Variants in FAM107B observed in about 807,000 individuals in gnomAD.
FAM107B encodes protein FAM107B.
In FAM107B, 21 loss-of-function variants were observed where a neutral mutation model predicts 31.5. That is an observed-to-expected ratio of 0.67 (90% confidence interval 0.47 to 0.96). The LOEUF is 0.96. Ranked by LOEUF, FAM107B falls within the 40% of genes least tolerant of loss-of-function variation. The pLI, the probability that FAM107B is intolerant of heterozygous loss-of-function variation, is 0.00. For missense variants in FAM107B, 452 were observed against 377.1 expected (o/e 1.20, Z -1.64); for synonymous variants, 157 against 141.5 (o/e 1.11, Z -0.78).
At chr10:14,699,034 T>A (rs966776645) in intron 1 of FAM107B, among the ~76,000 whole-genome samples, 1 of 150,514 alleles carries the variant, frequency 6.6e-6, no homozygotes, top group African/African-American at 2.4e-5. Flanking sequence ...GGAGAGTGGG[T>A]ACCCTGCGAG....
chr10:14,561,571 C>A (rs1850246083), intron 2 of FAM107B, among the ~76,000 whole-genome samples: 1 of 152,160 alleles, frequency 6.6e-6, no homozygotes, highest in African/African-American at 2.4e-5. Context: ...TATGGTAAGG[C>A]TTCCTACCCT....
intron 2 of FAM107B, among the ~76,000 whole-genome samples, chr10:14,648,280 A>C (rs1853810955): frequency 6.6e-6 from 1 of 152,174 alleles, no homozygotes; most frequent in South Asian, 2.1e-4. Context: ...GGTCGAACTG[A>C]CCAGCCCTAA....
intron 2 of FAM107B, among the ~76,000 whole-genome samples, chr10:14,554,700 T>C: frequency 6.6e-6 from 1 of 152,222 alleles, no homozygotes; most frequent in East Asian, 1.9e-4. Flanking sequence ...AAGCAGCTAA[T>C]AAGTTTCAAC....
chr10:14,767,385 C>T (rs1369326502), intron 1 of FAM107B, among the ~76,000 whole-genome samples: 1 of 151,832 alleles, frequency 6.6e-6, no homozygotes, highest in East Asian at 1.9e-4. Context: ...AGCCACCGCA[C>T]CCGGCCCCTG....
intron 1 of FAM107B, among the ~76,000 whole-genome samples, chr10:14,713,607 A>C (rs897044680): frequency 6.6e-6 from 1 of 152,238 alleles, no homozygotes; most frequent in Non-Finnish European, 1.5e-5. Flanking sequence ...GAAGGAAAAC[A>C]TCAGGGTTCA....
intron 1 of FAM107B, among the ~76,000 whole-genome samples, chr10:14,704,771 C>T (rs573464665): frequency 6.6e-6 from 1 of 152,236 alleles, no homozygotes; most frequent in East Asian, 1.9e-4. Context: ...TGCCTGTAAT[C>T]CCAGCATTTT....
rs762506002 is a variant in FAM107B at position 14,552,816 on chromosome 10, T to TC, written c.470-22302dup. ...ACTGTACTGGGTGACAGAGTAAGACTCCATTAAAAAAAAAAGTCATTATTT... is the reference window on the plus strand; with the variant it reads ...ACTGTACTGGGTGACAGAGTAAGACTCCCATTAAAAAAAAAAGTCATTATTT... On this transcript the variant is annotated intron_variant, in intron 2 of 4. Transcript: ENST00000181796. Among the ~76,000 whole-genome samples the TC allele has an allele frequency of 5.3e-5, 8 of 151,282 alleles. No individual in the cohort carries two copies. In the East Asian group the frequency reaches 1.4e-3, roughly 26 times the overall value.
intron 2 of FAM107B, among the ~76,000 whole-genome samples, chr10:14,591,241 C>G (rs1265508343): frequency 6.6e-6 from 1 of 152,146 alleles, no homozygotes; most frequent in Non-Finnish European, 1.5e-5. Context: ...GTCATTCTCT[C>G]CTAACTTAGG....
intron 2 of FAM107B, among the ~76,000 whole-genome samples, chr10:14,645,716 C>G (rs1489236661): frequency 6.6e-6 from 1 of 152,180 alleles, no homozygotes; most frequent in Non-Finnish European, 1.5e-5. Context: ...GCGGCAATTC[C>G]AATTTCACCT....
At chr10:14,734,691 A>G (rs547556734) in intron 1 of FAM107B, among the ~76,000 whole-genome samples, 1 of 152,158 alleles carries the variant, frequency 6.6e-6, no homozygotes, top group South Asian at 2.1e-4. Context: ...CGGAGTGACA[A>G]TTTGGGTCTA....
chr10:14,685,906 G>A (rs527820184), intron 1 of FAM107B, among the ~76,000 whole-genome samples: 95 of 152,266 alleles, frequency 6.2e-4, no homozygotes, highest in African/African-American at 2.1e-3. Context: ...AAAAAGAAGC[G>A]AAGACAAGCC....
At chr10:14,657,570 C>T (rs908555903) in intron 2 of FAM107B, among the ~76,000 whole-genome samples, 7 of 152,176 alleles carry the variant, frequency 4.6e-5, no homozygotes, top group African/African-American at 1.7e-4. Flanking sequence ...TTTCCACAGA[C>T]TTAGCATGTG....
chr10:14,620,924 C>T (rs893394148), intron 2 of FAM107B, among the ~76,000 whole-genome samples: 2 of 152,096 alleles, frequency 1.3e-5, no homozygotes, highest in African/African-American at 2.4e-5. Context: ...AAAGTAATCC[C>T]TAAGTATTTC....
At chr10:14,555,658 G>A (rs922302672) in intron 2 of FAM107B, among the ~76,000 whole-genome samples, 23 of 152,254 alleles carry the variant, frequency 1.5e-4, no homozygotes, top group Non-Finnish European at 3.2e-4. Context: ...TTTCCTCACT[G>A]CATCTGCTGC....
At chr10:14,548,073 CAAGA>C (rs762983498) in intron 2 of FAM107B, among the ~76,000 whole-genome samples, 9 of 152,222 alleles carry the variant, frequency 5.9e-5, no homozygotes, top group Non-Finnish European at 1.2e-4. Flanking sequence ...ACACCAAAAA[CAAGA>C]AAGGAGTAAA....
At chr10:14,749,150 A>G (rs972631956) in intron 1 of FAM107B, among the ~76,000 whole-genome samples, 7 of 152,228 alleles carry the variant, frequency 4.6e-5, no homozygotes, top group African/African-American at 1.4e-4. Context: ...GCTTAGTGCC[A>G]GCCACCCTTT....
intron 1 of FAM107B, among the ~76,000 whole-genome samples, chr10:14,744,030 G>C (rs1265022136): frequency 1.3e-5 from 2 of 152,008 alleles, no homozygotes; most frequent in Non-Finnish European, 2.9e-5. Context: ...TGATTTCTTT[G>C]GGCAGTGGTT....
intron 1 of FAM107B, among the ~76,000 whole-genome samples, chr10:14,675,619 T>G (rs76388734): frequency 0.027 from 4,183 of 152,300 alleles, 194 homozygotes; most frequent in African/African-American, 0.096. Flanking sequence ...AAGAAATGTT[T>G]CCCTATCATG....
At position 14,774,456 on chromosome 10, in the gene FAM107B, C is replaced by T. The variant is rs759041136; in HGVS notation, c.208G>A (p.Glu70Lys). The T allele has an allele frequency of 1.2e-6, 2 of 1,614,192 alleles. No individual in the cohort carries two copies. The highest frequency in any genetic ancestry group is 2.2e-5 in the South Asian group (2 of 91,088). The change falls in exon 1 of 5, where the codon GAA (glutamate) becomes AAA (lysine). Residue 70 changes from glutamate (E) to lysine (K), a missense_variant. By Grantham distance (56) the Glu-to-Lys change is moderately conservative. Transcript: ENST00000181796. The part of the protein sequence containing the change: ...AGRQPRHPSA[E>K]GAPEKRQDSS... ...TCTTGCCTTTTCTCTGGAGCTCCTT[C>T]TGCGCTTGGGTGTCTTGGCTGTCTG...
Sources: gnomAD v4.1 joint callset for allele counts (sites outside exome capture counted in the v4.1 genomes callset) on GRCh38, gnomAD v4.1.1 for gene constraint, MANE v1.5 for transcripts, NCBI Gene and HGNC (gene_info 2026-07-23, HGNC 2026-07-21) for gene names.